The following MYO3B variants were observed in gnomAD, a reference collection of about 807,000 sequenced individuals.
The protein encoded by MYO3B is myosin-IIIb.
A neutral mutation model predicts 174.6 loss-of-function variants in MYO3B; 156 were observed. The ratio of observed to expected loss-of-function variants is 0.89; its 90% CI spans 0.78 to 1.02. The LOEUF (loss-of-function observed/expected upper bound fraction) is 1.02. Among genes scored for constraint, MYO3B ranks in the 50% least tolerant of loss-of-function variants. The probability of loss-of-function intolerance (pLI) is 0.00; values close to 1 mark genes in which losing one functional copy is unlikely to be tolerated. For missense variants in MYO3B, 1,632 were observed against 1,639.4 expected (o/e 1.00, Z 0.08); for synonymous variants, 563 against 569.1 (o/e 0.99, Z 0.15).
At chr2:170,311,384 A>G (rs947960455) in intron 7 of MYO3B, among the ~76,000 whole-genome samples, 1 of 151,520 alleles carries the variant, frequency 6.6e-6, no homozygotes, top group African/African-American at 2.4e-5. Context: ...ACATGTTTTC[A>G]TGTGCTTCTT....
chr2:170,600,133 G>GT (rs1178584496), intron 32 of MYO3B, among the ~76,000 whole-genome samples: 3 of 132,670 alleles, frequency 2.3e-5, no homozygotes, highest in Non-Finnish European at 4.6e-5. Context: ...TGTTGTTGTT[G>GT]TTTTTTTTTA....
chr2:170,534,985 T>C (rs1346198257), intron 30 of MYO3B, among the ~76,000 whole-genome samples: 1 of 152,216 alleles, frequency 6.6e-6, no homozygotes, highest in Non-Finnish European at 1.5e-5. Context: ...TATTCAAATG[T>C]CACTTTCTGT....
chr2:170,260,993 A>T lies in MYO3B; in HGVS notation c.749+24857A>T, dbSNP rs187913561. ...TGGTACCTGGAGAGGAAAATAAAGG[A>T]TACATTTTTTCTTTTCTTTCGTTTC... On this transcript the variant is annotated intron_variant, in intron 7 of 34. Coordinates refer to ENST00000408978, the MANE Select transcript of MYO3B (RefSeq NM_138995.5). 9.4e-4 allele frequency among the ~76,000 whole-genome samples: 143 copies of T among 152,238 alleles called. 2 individuals carry two copies. Among genetic ancestry groups the T allele is most frequent in the African/African-American group, 3.3e-3 (139 of 41,564 alleles).
intron 16 of MYO3B, among the ~76,000 whole-genome samples, chr2:170,399,242 CAAAAAAAAAAAA>C (rs71399532): frequency 1.0e-3 from 16 of 15,622 alleles, no homozygotes; most frequent in African/African-American, 3.2e-3. Context: ...AATTCCGTCT[CAAAAAAAAAAAA>C]AAAAAAAAAA....
intron 8 of MYO3B, among the ~76,000 whole-genome samples, chr2:170,365,791 T>C (rs181888298): frequency 6.6e-5 from 10 of 152,276 alleles, no homozygotes; most frequent in East Asian, 1.9e-4. Context: ...TGATGGTATA[T>C]GGTAGACACA....
chr2:170,290,247 G>T (rs2093587052), intron 7 of MYO3B, among the ~76,000 whole-genome samples: 2 of 151,808 alleles, frequency 1.3e-5, no homozygotes, highest in African/African-American at 4.8e-5. Flanking sequence ...TTTCTCTCTG[G>T]GTGATCTTTA....
intron 32 of MYO3B, among the ~76,000 whole-genome samples, chr2:170,552,869 C>G (rs1691016315): frequency 6.6e-6 from 1 of 152,154 alleles, no homozygotes; most frequent in South Asian, 2.1e-4. Context: ...TGTGCAGCCT[C>G]AGGACATGGT....
At chr2:170,392,220 G>A (rs1382023189) in intron 15 of MYO3B, among the ~76,000 whole-genome samples, 161 bp from the exon 16 acceptor site, 1 of 152,080 alleles carries the variant, frequency 6.6e-6, no homozygotes, top group Non-Finnish European at 1.5e-5. Flanking sequence ...TAGAGCCCAG[G>A]AGTTCAAGGC....
rs13387908 is a variant in MYO3B, at chr2:170,365,023, C to G, written c.816-4199C>G. Among the ~76,000 whole-genome samples, 1,054 of 152,298 alleles carry G rather than the reference C, an allele frequency of 6.9e-3. 15 individuals are homozygous for G. Among genetic ancestry groups the G allele is most frequent in the African/African-American group, 0.024 (1,016 of 41,548 alleles). On this transcript the variant is annotated intron_variant, in intron 8 of 34. Transcript: ENST00000408978. ...AGTATGACTTCTGCCTTTACTCCCC[C>G]AGTTTAGTTCAATTTAGTTCCAAAA...
chr2:170,178,548 C>A (rs1232897458), intron 1 of MYO3B, among the ~76,000 whole-genome samples: 4 of 151,164 alleles, frequency 2.6e-5, no homozygotes, highest in African/African-American at 9.7e-5. Context: ...CAGACACACA[C>A]CACACACACA....
At chr2:170,304,905 T>A (rs1335980188) in intron 7 of MYO3B, among the ~76,000 whole-genome samples, 2 of 152,012 alleles carry the variant, frequency 1.3e-5, no homozygotes, top group Non-Finnish European at 2.9e-5. Context: ...AAGGTTTATT[T>A]TTTTTTTCTG....
chr2:170,589,930 A>G (rs1299349709), intron 32 of MYO3B, among the ~76,000 whole-genome samples: 1 of 152,146 alleles, frequency 6.6e-6, no homozygotes, highest in Non-Finnish European at 1.5e-5. Flanking sequence ...ATCTATTTTT[A>G]CTGTGCCTTT....
At chr2:170,236,276 A>AGAAG in intron 7 of MYO3B, 140 bp downstream of exon 7, 2 of 602,862 alleles carry the variant, frequency 3.3e-6, no homozygotes, top group Non-Finnish European at 5.2e-6. Flanking sequence ...TGAAAAAGCA[A>AGAAG]GGGGGGCTGG....
intron 32 of MYO3B, among the ~76,000 whole-genome samples, chr2:170,580,718 A>ATATGTGTG (rs768974458): frequency 9.7e-4 from 138 of 142,772 alleles, no homozygotes; most frequent in African/African-American, 3.2e-3. Context: ...AACCTTATAT[A>ATATGTGTG]TGTGTGTGTG....
At chr2:170,633,583 C>G (rs937173333) in intron 32 of MYO3B, among the ~76,000 whole-genome samples, 4 of 152,190 alleles carry the variant, frequency 2.6e-5, no homozygotes, top group African/African-American at 9.7e-5. Context: ...CCCTCTCTCA[C>G]CACTCCTATC....
intron 22 of MYO3B, among the ~76,000 whole-genome samples, chr2:170,434,909 T>C (rs999594613): frequency 7.9e-5 from 12 of 152,348 alleles, no homozygotes; most frequent in African/African-American, 2.6e-4. Flanking sequence ...ATCCTTCCAC[T>C]TGGACTCCCC....
intron 15 of MYO3B, among the ~76,000 whole-genome samples, chr2:170,391,960 G>A (rs1037023618): frequency 6.6e-6 from 1 of 151,780 alleles, no homozygotes; most frequent in African/African-American, 2.4e-5. Context: ...TTTGAGACCA[G>A]CCAGGGCAGC....
intron 8 of MYO3B, among the ~76,000 whole-genome samples, chr2:170,356,002 C>T (rs2094117363): frequency 6.6e-6 from 1 of 151,888 alleles, no homozygotes; most frequent in Non-Finnish European, 1.5e-5. Context: ...CGCTGTGTCG[C>T]CCAGGTGGAG....
intron 32 of MYO3B, chr2:170,602,275 T>C: frequency 2.6e-6 from 2 of 765,632 alleles, no homozygotes; most frequent in Non-Finnish European, 4.6e-6. Context: ...CCAGTGCCCG[T>C]CCGGCTCTCA....
Sources: gnomAD v4.1 joint callset for allele counts (sites outside exome capture counted in the v4.1 genomes callset) on GRCh38, gnomAD v4.1.1 for gene constraint, MANE v1.5 for transcripts, NCBI Gene and HGNC (gene_info 2026-07-23, HGNC 2026-07-21) for gene names.